Variants in SCFD2 observed in about 807,000 individuals in gnomAD.
SCFD2 encodes the protein sec1 family domain-containing protein 2.
SCFD2 carries 54 observed loss-of-function variants against 58.9 expected under a neutral mutation model. The observed-to-expected ratio is 0.92, with a 90% CI of 0.74 to 1.15. SCFD2 has a LOEUF of 1.15. Ranked by LOEUF, SCFD2 falls within the 50% of genes most tolerant of loss-of-function variation. The pLI, the probability that SCFD2 is intolerant of heterozygous loss-of-function variation, is 0.00. For synonymous variants in SCFD2, 321 were observed against 335.9 expected, an observed-to-expected ratio of 0.96 and a Z score of 0.49; for missense variants, 805 against 836.6, an observed-to-expected ratio of 0.96 and a Z score of 0.47.
At chr4:53,206,645 T>C (rs1728414950) in intron 4 of SCFD2, among the ~76,000 whole-genome samples, 1 of 152,126 alleles carries the variant, frequency 6.6e-6, no homozygotes, top group African/African-American at 2.4e-5. Flanking sequence ...CTAATTACCC[T>C]ATACATGTAT....
At chr4:53,211,841 A>G (rs1728622800) in intron 4 of SCFD2, among the ~76,000 whole-genome samples, 1 of 152,148 alleles carries the variant, frequency 6.6e-6, no homozygotes, top group Non-Finnish European at 1.5e-5. Flanking sequence ...ACCAATAAAT[A>G]TAATCCATTT....
intron 5 of SCFD2, among the ~76,000 whole-genome samples, chr4:53,015,218 T>C (rs761368196): frequency 2.0e-4 from 31 of 152,152 alleles, no homozygotes; most frequent in Non-Finnish European, 1.6e-4. Flanking sequence ...TAATAAAGAC[T>C]AACCATATAC....
At chr4:53,059,059 G>A (rs550539984) in intron 5 of SCFD2, among the ~76,000 whole-genome samples, 1 of 152,204 alleles carries the variant, frequency 6.6e-6, no homozygotes, top group South Asian at 2.1e-4. Flanking sequence ...CCAAGTGAGA[G>A]AAATGATTGC....
chr4:53,188,406 C>T (rs1727795983), intron 4 of SCFD2, among the ~76,000 whole-genome samples: 1 of 148,508 alleles, frequency 6.7e-6, no homozygotes, highest in South Asian at 2.1e-4. Context: ...AAAGTCCTCA[C>T]ACTTCAAAAC....
intron 5 of SCFD2, among the ~76,000 whole-genome samples, chr4:53,097,922 T>G (rs1239943062): frequency 6.6e-6 from 1 of 152,214 alleles, no homozygotes; most frequent in Non-Finnish European, 1.5e-5. Flanking sequence ...GTTGTTAGCA[T>G]GAAGGGCTGT....
chr4:52,928,717 T>G (rs763181202), intron 5 of SCFD2, among the ~76,000 whole-genome samples: 12 of 152,136 alleles, frequency 7.9e-5, no homozygotes, highest in Non-Finnish European at 1.2e-4. Flanking sequence ...CAGCCTATAG[T>G]TATTGCTCAA....
chr4:53,049,501 C>T (rs1723130373), intron 5 of SCFD2, among the ~76,000 whole-genome samples: 1 of 152,196 alleles, frequency 6.6e-6, no homozygotes, highest in Non-Finnish European at 1.5e-5. Context: ...GGTTAAATCA[C>T]TTGTGCAAGC....
intron 5 of SCFD2, among the ~76,000 whole-genome samples, chr4:53,099,794 A>G (rs1409902060): frequency 6.6e-6 from 1 of 152,110 alleles, no homozygotes; most frequent in Non-Finnish European, 1.5e-5. Flanking sequence ...ATTAGGGACT[A>G]CCTCCAACAC....
intron 5 of SCFD2, among the ~76,000 whole-genome samples, chr4:53,082,213 G>A (rs928869015): frequency 6.6e-6 from 1 of 152,132 alleles, no homozygotes; most frequent in Non-Finnish European, 1.5e-5. Context: ...GTATAGGAGT[G>A]GAATTGCTGG....
At chr4:53,220,416 G>A (rs1729013883) in intron 4 of SCFD2, among the ~76,000 whole-genome samples, 1 of 152,130 alleles carries the variant, frequency 6.6e-6, no homozygotes, top group Admixed American at 6.5e-5. Context: ...AATATTAACT[G>A]CTCTATTCCT....
intron 5 of SCFD2, among the ~76,000 whole-genome samples, chr4:53,087,657 C>CTT (rs34727687): frequency 8.4e-4 from 97 of 115,200 alleles, no homozygotes; most frequent in African/African-American, 1.9e-3. Context: ...TTTCTTTTTC[C>CTT]TTTTTTTTTT....
chr4:53,149,580 T>A (rs1479224459), intron 4 of SCFD2, among the ~76,000 whole-genome samples: 2 of 152,306 alleles, frequency 1.3e-5, no homozygotes, highest in Admixed American at 1.3e-4. Context: ...ATTCTCCCTA[T>A]CCCTTGAATA....
intron 5 of SCFD2, among the ~76,000 whole-genome samples, chr4:53,029,528 A>G (rs1357747724): frequency 6.6e-6 from 1 of 152,220 alleles, no homozygotes; most frequent in Non-Finnish European, 1.5e-5. Context: ...TAACTAAAAG[A>G]TGTGTTCATT....
chr4:52,979,967 TGTC>T (rs1178526918), intron 5 of SCFD2, among the ~76,000 whole-genome samples: 1 of 152,166 alleles, frequency 6.6e-6, no homozygotes, highest in African/African-American at 2.4e-5. Flanking sequence ...GATTACCTCT[TGTC>T]TTGTTCTGCT....
intron 4 of SCFD2, among the ~76,000 whole-genome samples, chr4:53,273,045 T>G (rs1731223401): frequency 6.6e-6 from 1 of 151,824 alleles, no homozygotes; most frequent in African/African-American, 2.4e-5. Context: ...AAAAGGAAAA[T>G]CAGATTAGAG....
intron 4 of SCFD2, among the ~76,000 whole-genome samples, chr4:53,197,212 T>A (rs1471389859): frequency 6.6e-6 from 1 of 152,128 alleles, no homozygotes; most frequent in African/African-American, 2.4e-5. Context: ...AAGTATGTAT[T>A]ATACTATTAT....
chr4:53,300,879 T>A (rs1732256350), intron 3 of SCFD2, among the ~76,000 whole-genome samples: 1 of 152,160 alleles, frequency 6.6e-6, no homozygotes, highest in Admixed American at 6.5e-5. Context: ...AAGGCAGAAA[T>A]AAAGATGTTC....
chr4:53,018,300 T>G (rs1722261258), intron 5 of SCFD2, among the ~76,000 whole-genome samples: 1 of 152,212 alleles, frequency 6.6e-6, no homozygotes, highest in Non-Finnish European at 1.5e-5. Context: ...CTATCATAAA[T>G]CTATTATTCA....
intron 5 of SCFD2, among the ~76,000 whole-genome samples, chr4:53,142,331 T>A (rs1195399569): frequency 6.6e-6 from 1 of 152,238 alleles, no homozygotes; most frequent in Non-Finnish European, 1.5e-5. Flanking sequence ...AAGCACTATA[T>A]AAAAAGTAGA....
Sources: gnomAD v4.1 joint callset for allele counts (sites outside exome capture counted in the v4.1 genomes callset) on GRCh38, gnomAD v4.1.1 for gene constraint, MANE v1.5 for transcripts, NCBI Gene and HGNC (gene_info 2026-07-23, HGNC 2026-07-21) for gene names.